GINS4: variants seen among roughly 807,000 people sequenced by gnomAD.
GINS4 encodes the protein DNA replication complex GINS protein SLD5.
In GINS4, 20 loss-of-function variants were observed where a neutral mutation model predicts 31.1. The observed-to-expected ratio is 0.64, with a 90% CI of 0.45 to 0.93. The LOEUF (loss-of-function observed/expected upper bound fraction) is 0.93. Among genes scored for constraint, GINS4 ranks in the 40% least tolerant of loss-of-function variants. The pLI is 0.00. For missense variants in GINS4, 245 were observed against 273.9 expected (o/e 0.89, Z 0.75); for synonymous variants, 85 against 97.9 (o/e 0.87, Z 0.78).
At chr8:41,530,334 A>C in intron 2 of GINS4, 36 bp downstream of exon 2, 4 of 1,472,048 alleles carry the variant, frequency 2.7e-6, no homozygotes, top group Non-Finnish European at 3.8e-6. Context: ...TGCTCCAGTC[A>C]GCCTTTTTAT....
chr8:41,543,968 A>G lies in GINS4; in HGVS notation c.*1881A>G, dbSNP rs1424195388. On this transcript the variant is annotated 3_prime_UTR_variant, in exon 8 of 8. Transcript: ENST00000276533. ...GTGATCCACCCACCTCGGCCTCCCA[A>G]AGTGCTGGAATTATAGGCGTGAGCC... The G allele has an allele frequency of 6.6e-6, 1 of 152,198 alleles. No homozygotes were observed. The highest frequency in any genetic ancestry group is 1.5e-5 in the Non-Finnish European group (1 of 68,082). The allele number at this position is 152,198 out of a possible 1,614,324, so 9.4% of individuals were successfully genotyped here.
At chr8:41,533,804 G>T (rs566173028) in intron 2 of GINS4, among the ~76,000 whole-genome samples, 1 of 152,186 alleles carries the variant, frequency 6.6e-6, no homozygotes, top group Non-Finnish European at 1.5e-5. Context: ...AGAGGCTGAG[G>T]TCAAAGTGCC....
chr8:41,530,171 TC>T lies in GINS4; in HGVS notation c.-19-10del, dbSNP rs1806628441. ...AACGCATTGCAGAGTATTGGTTCTTTCCCTCTCATTAGGTTCCTGGTTTCAG... is the reference window on the plus strand; with the variant it reads ...AACGCATTGCAGAGTATTGGTTCTTTCCTCTCATTAGGTTCCTGGTTTCAG... On this transcript the variant is annotated splice_polypyrimidine_tract_variant and intron_variant, in intron 1 of 7. Coordinates refer to ENST00000276533, the MANE Select transcript of GINS4 (RefSeq NM_032336.3). 6.9e-7 allele frequency: 1 copy of T among 1,455,196 alleles called. No homozygotes were observed. The highest frequency in any genetic ancestry group is 1.7e-5 in the Admixed American group (1 of 58,794). The allele number at this position is 1,455,196 out of a possible 1,614,324, so 90.1% of individuals were successfully genotyped here.
Position 41,544,957 on chromosome 8 carries a change from T to G in GINS4, c.*2870T>G, listed in dbSNP as rs1806907094. 6.6e-6 allele frequency: 1 copy of G among 152,140 alleles called. No individual in the cohort carries two copies. Among genetic ancestry groups the G allele is most frequent in the Non-Finnish European group, 1.5e-5 (1 of 68,020 alleles). The allele number at this position is 152,140 out of a possible 1,614,324, so 9.4% of individuals were successfully genotyped here. Reference sequence around the variant, plus strand: ...CTAAAACCACAGTAAATTGCTCCATTTCCTAAATTACCTCTTCAAGAGAAG... The same window carrying G: ...CTAAAACCACAGTAAATTGCTCCATGTCCTAAATTACCTCTTCAAGAGAAG... On this transcript the variant is annotated 3_prime_UTR_variant, in exon 8 of 8. Coordinates refer to ENST00000276533, the MANE Select transcript of GINS4 (RefSeq NM_032336.3).
At chr8:41,540,707 C>T (rs1382403170) in intron 6 of GINS4, among the ~76,000 whole-genome samples, 1 of 152,230 alleles carries the variant, frequency 6.6e-6, no homozygotes, top group Non-Finnish European at 1.5e-5. Flanking sequence ...CCAAGCAAGA[C>T]CTCCTCAGGC....
intron 2 of GINS4, among the ~76,000 whole-genome samples, chr8:41,534,724 G>A (rs1276075236): frequency 2.0e-5 from 3 of 151,752 alleles, no homozygotes; most frequent in African/African-American, 7.3e-5. Context: ...TGAGGAGGGA[G>A]GGACACACAG....
intron 2 of GINS4, among the ~76,000 whole-genome samples, chr8:41,532,375 G>C (rs750417419): frequency 1.2e-4 from 18 of 152,090 alleles, no homozygotes; most frequent in Non-Finnish European, 2.4e-4. Context: ...ACTGAAAAAC[G>C]TGAGCAATAT....
chr8:41,539,725 T>C lies in GINS4; in HGVS notation c.345T>C (p.Pro115=). ...PHVLEKEKTR[P]EGEPSSLSPE... ...TCCTTGAGAAGGAAAAAACACGTCC[T>C]GAGGGGGAGCCTTCCAGCCTCTCGC... Residue 115 remains proline, a synonymous_variant, in exon 5 of 8, where the codon CCT becomes CCC. Coordinates refer to ENST00000276533, the MANE Select transcript of GINS4 (RefSeq NM_032336.3). 2 of 1,614,208 alleles carry C rather than the reference T, an allele frequency of 1.2e-6. No homozygotes were observed. The highest frequency in any genetic ancestry group is 2.2e-5 in the South Asian group (2 of 91,086).
At chr8:41,536,250 C>T (rs573838623) in intron 2 of GINS4, 110 bp from the exon 3 acceptor site, 4 of 746,208 alleles carry the variant, frequency 5.4e-6, no homozygotes, top group Non-Finnish European at 7.4e-6. Context: ...GGTGGGCAGA[C>T]AGTTTTCTTG....
At chr8:41,531,730 C>T (rs1806650568) in intron 2 of GINS4, among the ~76,000 whole-genome samples, 1 of 152,142 alleles carries the variant, frequency 6.6e-6, no homozygotes, top group African/African-American at 2.4e-5. Flanking sequence ...AATCCACCCA[C>T]AGACCTAGTT....
intron 4 of GINS4, 60 bp downstream of exon 4, chr8:41,537,353 G>A: frequency 7.9e-7 from 1 of 1,269,652 alleles, no homozygotes; most frequent in Non-Finnish European, 1.1e-6. Context: ...CAGACTGAAT[G>A]TCCTGGGGAA....
chr8:41,536,522 G>A, intron 3 of GINS4, 76 bp downstream of exon 3: 2 of 820,646 alleles, frequency 2.4e-6, no homozygotes, highest in East Asian at 2.4e-5. Flanking sequence ...AGAGCTTGTG[G>A]TCTGGTAGCA....
intron 2 of GINS4, among the ~76,000 whole-genome samples, chr8:41,531,317 A>G (rs1282363455): frequency 6.6e-6 from 1 of 152,162 alleles, no homozygotes; most frequent in African/African-American, 2.4e-5. Context: ...AATAGTGTCT[A>G]TGTCCTGGAG....
rs1806882512 is a variant in GINS4, at chr8:41,543,623, AG to A, written c.*1539del. On this transcript the variant is annotated 3_prime_UTR_variant, in exon 8 of 8. Transcript: ENST00000276533. ...TTGAAGTTGGCAGATTTCCATTTGC[AG>A]GGTATGGGCTGCGAGAGTAATCAGG... 2.0e-5 allele frequency: 3 copies of A among 152,158 alleles called. No individual in the cohort carries two copies. In the South Asian group the frequency reaches 6.2e-4, roughly 31 times the overall value. The allele number at this position is 152,158 out of a possible 1,614,324, so 9.4% of individuals were successfully genotyped here. A position where few individuals can be genotyped will look rare whatever the true frequency, so the allele number is the denominator to read the frequency against.
chr8:41,542,410 A>AT lies in GINS4; in HGVS notation c.*323_*324insT. On this transcript the variant is annotated 3_prime_UTR_variant, in exon 8 of 8. Transcript: ENST00000276533. ...AAAAAAAACAAAAAACAAAAAAAAA[A>AT]CAAACTAGGCATAAACTCATGAGGT... 1 of 363,640 alleles carries AT rather than the reference A, an allele frequency of 2.7e-6. No homozygotes were observed. The allele number at this position is 363,640 out of a possible 1,614,324, so 22.5% of individuals were successfully genotyped here.
At chr8:41,541,970 A>G in intron 7 of GINS4, 21 bp from the exon 8 acceptor site, 3 of 1,613,164 alleles carry the variant, frequency 1.9e-6, no homozygotes, top group Admixed American at 1.7e-5. Context: ...CTGCAGGCAA[A>G]TGTGTTTCCC....
chr8:41,542,597 A>C lies in GINS4; in HGVS notation c.*510A>C, dbSNP rs1438960238. 6.1e-6 allele frequency: 1 copy of C among 162,612 alleles called. No homozygotes were observed. Among genetic ancestry groups the C allele is most frequent in the Non-Finnish European group, 1.4e-5 (1 of 73,444 alleles). 10.1% of individuals were successfully genotyped at this position (162,612 alleles called of 1,614,324 possible). Reference sequence around the variant, plus strand: ...GGGAGGTGGAGCTTGCAGTGAGCCAAGATCGTGCCATTGCACTCTAGCCTG... The same window carrying C: ...GGGAGGTGGAGCTTGCAGTGAGCCACGATCGTGCCATTGCACTCTAGCCTG... On this transcript the variant is annotated 3_prime_UTR_variant, in exon 8 of 8. Coordinates refer to ENST00000276533, the MANE Select transcript of GINS4 (RefSeq NM_032336.3).
chr8:41,544,496 G>A lies in GINS4; in HGVS notation c.*2409G>A, dbSNP rs1238596726. On this transcript the variant is annotated 3_prime_UTR_variant, in exon 8 of 8. Coordinates refer to ENST00000276533, the MANE Select transcript of GINS4 (RefSeq NM_032336.3). ...GCCTTAATGTGCATACCCATCGCCT[G>A]GAGCTCGCCTTAAGATGTAGGTTCT... 6.6e-6 allele frequency: 1 copy of A among 152,182 alleles called. No individual in the cohort carries two copies. The highest frequency in any genetic ancestry group is 1.5e-5 in the Non-Finnish European group (1 of 68,048). 9.4% of individuals were successfully genotyped at this position (152,182 alleles called of 1,614,324 possible).
At chr8:41,540,107 G>A (rs1806811926) in intron 6 of GINS4, 103 bp downstream of exon 6, 5 of 832,010 alleles carry the variant, frequency 6.0e-6, no homozygotes, top group African/African-American at 5.1e-5. Context: ...AAGTAAGTAT[G>A]TAGATAAACA....
Sources: allele counts gnomAD v4.1 joint callset (sites outside exome capture counted in the v4.1 genomes callset), GRCh38; gene constraint gnomAD v4.1.1; transcripts MANE v1.5; gene names NCBI Gene and HGNC (gene_info 2026-07-23, HGNC 2026-07-21).